The following MERTK variants were observed in gnomAD, a reference collection of about 807,000 sequenced individuals.
MERTK encodes tyrosine-protein kinase Mer.
In MERTK, 69 loss-of-function variants were observed where a neutral mutation model predicts 99.3. The observed-to-expected ratio is 0.70, with a 90% CI of 0.57 to 0.85. The LOEUF is 0.85. MERTK is among the 40% of genes least tolerant of loss of function. MERTK has a pLI of 0.00. For synonymous variants in MERTK, 426 were observed against 467.6 expected, an observed-to-expected ratio of 0.91 and a Z score of 1.15; for missense variants, 1,125 against 1,249.4, an observed-to-expected ratio of 0.90 and a Z score of 1.50.
At chr2:111,956,762 G>A (rs1044230138) in intron 4 of MERTK, among the ~76,000 whole-genome samples, 2 of 150,896 alleles carry the variant, frequency 1.3e-5, no homozygotes, top group Admixed American at 6.6e-5. Flanking sequence ...CTGCACTCAA[G>A]CAAATCCCCC....
At chr2:111,924,115 C>T (rs1321310868) in intron 1 of MERTK, among the ~76,000 whole-genome samples, 1 of 152,126 alleles carries the variant, frequency 6.6e-6, no homozygotes, top group African/African-American at 2.4e-5. Context: ...TCACCAGCCA[C>T]GTGGGGGTCC....
At chr2:111,974,158 G>A (rs1676187006) in intron 6 of MERTK, among the ~76,000 whole-genome samples, 1 of 149,496 alleles carries the variant, frequency 6.7e-6, no homozygotes, top group Non-Finnish European at 1.5e-5. Flanking sequence ...GGAGGCCAAG[G>A]CAGGCAGAAC....
chr2:112,008,507 A>G (rs200294674), intron 14 of MERTK, 32 bp downstream of exon 14: 20 of 1,532,048 alleles, frequency 1.3e-5, no homozygotes, highest in Admixed American at 3.3e-5. Flanking sequence ...GTGGGTGGCC[A>G]AGAGGGCTCT....
At chr2:111,953,043 G>A (rs1685085518) in intron 4 of MERTK, among the ~76,000 whole-genome samples, 2 of 152,146 alleles carry the variant, frequency 1.3e-5, no homozygotes, top group Admixed American at 1.3e-4. Context: ...CAGGGGTCTG[G>A]TTCAGTGCCT....
intron 2 of MERTK, among the ~76,000 whole-genome samples, chr2:111,933,497 A>G (rs182585636): frequency 1.3e-5 from 2 of 152,338 alleles, no homozygotes; most frequent in East Asian, 1.9e-4. Flanking sequence ...GCAGAGGTCA[A>G]AAGGACTCTA....
chr2:112,015,622 T>C (rs1677202176), intron 15 of MERTK, among the ~76,000 whole-genome samples: 1 of 152,218 alleles, frequency 6.6e-6, no homozygotes, highest in South Asian at 2.1e-4. Flanking sequence ...TTTTCCAAGT[T>C]TGTAGCTTGT....
At chr2:111,997,281 A>G (rs780796176) in intron 9 of MERTK, 42 bp from the exon 10 acceptor site, 3 of 1,602,036 alleles carry the variant, frequency 1.9e-6, no homozygotes, top group East Asian at 2.2e-5. Context: ...AGTGTTTCTC[A>G]TATATTTCAA....
intron 6 of MERTK, among the ~76,000 whole-genome samples, chr2:111,970,828 C>T (rs934812071): frequency 1.7e-5 from 2 of 119,916 alleles, no homozygotes; most frequent in Admixed American, 8.8e-5. Flanking sequence ...CCCTCCTCCT[C>T]CCTCCTCCTT....
chr2:111,967,955 G>A (rs1329429160), intron 5 of MERTK, among the ~76,000 whole-genome samples, 182 bp from the exon 6 acceptor site: 3 of 152,102 alleles, frequency 2.0e-5, no homozygotes, highest in Non-Finnish European at 4.4e-5. Flanking sequence ...GACTTCTTTG[G>A]CCCATCCATA....
At chr2:111,909,945 A>G (rs1684210751) in intron 1 of MERTK, among the ~76,000 whole-genome samples, 1 of 152,244 alleles carries the variant, frequency 6.6e-6, no homozygotes, top group South Asian at 2.1e-4. Context: ...AAAAGAAAGG[A>G]TATCAGTATA....
intron 16 of MERTK, among the ~76,000 whole-genome samples, chr2:112,021,031 TAAAAA>T (rs763950331): frequency 8.6e-6 from 1 of 115,826 alleles, no homozygotes; most frequent in Non-Finnish European, 1.8e-5. Flanking sequence ...CCATGTCTAC[TAAAAA>T]AAAAAAAAAA....
rs368987922 is a variant in MERTK, at chr2:111,978,446, GTTTTTTGT to G, written c.1144+2977_1144+2984del. On this transcript the variant is annotated intron_variant, in intron 7 of 18. Transcript: ENST00000295408. ...AGGCATGAGCCACCACACCCAGCAT[GTTTTTTGT>G]TTGTTTGTTTGTTTGTTTGTTTATA... Among the ~76,000 whole-genome samples, 140 of 146,750 alleles carry G rather than the reference GTTTTTTGT, an allele frequency of 9.5e-4. 1 individual carries two copies. The highest frequency in any genetic ancestry group is 3.7e-3 in the Middle Eastern group (1 of 270).
At chr2:112,002,003 C>CT (rs1420592831) in intron 11 of MERTK, among the ~76,000 whole-genome samples, 1 of 151,892 alleles carries the variant, frequency 6.6e-6, no homozygotes, top group Non-Finnish European at 1.5e-5. Context: ...ATTTAGACCA[C>CT]TTTCTTTCCT....
intron 2 of MERTK, among the ~76,000 whole-genome samples, chr2:111,935,002 G>A (rs146294289): frequency 7.2e-5 from 11 of 152,034 alleles, no homozygotes; most frequent in African/African-American, 1.7e-4. Flanking sequence ...CCTCTTTCCC[G>A]TAGTGGCCCC....
intron 2 of MERTK, 29 bp from the exon 3 acceptor site, chr2:111,944,931 T>G: frequency 6.3e-7 from 1 of 1,585,046 alleles, no homozygotes; most frequent in Non-Finnish European, 8.7e-7. Flanking sequence ...GTAGTCACTG[T>G]AAATATCTTC....
chr2:112,009,825 C>T (rs1192134665), intron 14 of MERTK, 123 bp from the exon 15 acceptor site: 5 of 793,962 alleles, frequency 6.3e-6, no homozygotes, highest in African/African-American at 3.4e-5. Context: ...GTTAGGCGCT[C>T]TTGATTTTTT....
intron 15 of MERTK, among the ~76,000 whole-genome samples, chr2:112,011,708 G>A (rs574665481): frequency 1.0e-3 from 159 of 152,228 alleles, no homozygotes; most frequent in South Asian, 3.7e-3. Flanking sequence ...CCAAGATCAC[G>A]CCACTGCAAT....
intron 2 of MERTK, among the ~76,000 whole-genome samples, chr2:111,935,989 T>C (rs1215798838): frequency 6.6e-6 from 1 of 152,076 alleles, no homozygotes; most frequent in Admixed American, 6.6e-5. Context: ...TAATCTCAGC[T>C]CATTGGAACC....
rs1283187743 is a variant in MERTK, at chr2:111,963,182, T to C, written c.758-2009T>C. ...ATATGCATACACATAAACATCTCAA[T>C]GTCTTAAAGAGCAGTATTGCTGCCG... On this transcript the variant is annotated intron_variant, in intron 4 of 18. Coordinates refer to ENST00000295408, the MANE Select transcript of MERTK (RefSeq NM_006343.3). 5.9e-5 allele frequency among the ~76,000 whole-genome samples: 9 copies of C among 152,218 alleles called. 1 individual carries two copies. The highest frequency in any genetic ancestry group is 1.0e-4 in the Non-Finnish European group (7 of 68,040).
Sources: allele counts gnomAD v4.1 joint callset (sites outside exome capture counted in the v4.1 genomes callset), GRCh38; gene constraint gnomAD v4.1.1; transcripts MANE v1.5; gene names NCBI Gene and HGNC (gene_info 2026-07-23, HGNC 2026-07-21).